The following WWOX variants were observed in gnomAD, a reference collection of about 807,000 sequenced individuals.
WWOX encodes WW domain-containing oxidoreductase.
Under a neutral mutation model 46.2 loss-of-function variants are expected in WWOX, and 69 were observed. That is an observed-to-expected ratio of 1.49 (90% CI 1.23 to 1.82). The LOEUF (loss-of-function observed/expected upper bound fraction) is 1.82, where lower values mean the gene tolerates loss of function less well. Among genes scored for constraint, WWOX ranks in the 40% most tolerant of loss-of-function variants. The probability of loss-of-function intolerance (pLI) is 0.00; values close to 1 mark genes in which losing one functional copy is unlikely to be tolerated. For synonymous variants in WWOX, 359 were observed against 202.6 expected (o/e 1.77, Z -6.56); for missense variants, 919 against 542.6 (o/e 1.69, Z -6.89).
intron 8 of WWOX, among the ~76,000 whole-genome samples, chr16:78,656,946 C>T (rs1232148508): frequency 6.6e-6 from 1 of 152,202 alleles, no homozygotes; most frequent in Non-Finnish European, 1.5e-5. Flanking sequence ...ATCATGGCGT[C>T]TGGTCCATGC....
intron 8 of WWOX, among the ~76,000 whole-genome samples, chr16:78,930,106 C>T (rs1416694757): frequency 6.6e-6 from 1 of 152,004 alleles, no homozygotes. Flanking sequence ...TCCCTTCCTG[C>T]CGTCTGGGAT....
At chr16:78,468,342 G>C (rs2084133373) in intron 8 of WWOX, among the ~76,000 whole-genome samples, 1 of 150,636 alleles carries the variant, frequency 6.6e-6, no homozygotes, top group Non-Finnish European at 1.5e-5. Context: ...TGTGCAGCCT[G>C]CTGGCTTCTC....
intron 8 of WWOX, among the ~76,000 whole-genome samples, chr16:78,752,548 G>C (rs899389937): frequency 1.4e-4 from 22 of 152,296 alleles, no homozygotes; most frequent in African/African-American, 5.3e-4. Flanking sequence ...TGAGATTACA[G>C]GTGTGAGCCA....
At chr16:78,468,372 C>T (rs561842422) in intron 8 of WWOX, among the ~76,000 whole-genome samples, 1 of 151,912 alleles carries the variant, frequency 6.6e-6, no homozygotes, top group South Asian at 2.1e-4. Context: ...TCCTTCTCAC[C>T]TTAACCCCAC....
chr16:78,938,712 G>C (rs984369587), intron 8 of WWOX, among the ~76,000 whole-genome samples: 3 of 152,156 alleles, frequency 2.0e-5, no homozygotes, highest in South Asian at 2.1e-4. Context: ...CTTTGTTCTA[G>C]TGCAGCCATA....
At chr16:78,231,085 T>A (rs1227121576) in intron 5 of WWOX, among the ~76,000 whole-genome samples, 1 of 152,244 alleles carries the variant, frequency 6.6e-6, no homozygotes, top group Non-Finnish European at 1.5e-5. Context: ...ACATTTATGA[T>A]TCTGGCAGCT....
chr16:78,386,998 T>C, intron 6 of WWOX, 50 bp downstream of exon 6: 1 of 1,553,984 alleles, frequency 6.4e-7, no homozygotes, highest in South Asian at 1.1e-5. Context: ...GCTATTGTAA[T>C]ATCTTTATCA....
intron 8 of WWOX, among the ~76,000 whole-genome samples, chr16:78,944,292 C>G (rs190405373): frequency 2.6e-5 from 4 of 152,282 alleles, no homozygotes; most frequent in African/African-American, 9.6e-5. Context: ...CATCTTTCAG[C>G]CTCTACCACA....
At chr16:78,314,107 C>T (rs181774284) in intron 5 of WWOX, among the ~76,000 whole-genome samples, 109 of 152,194 alleles carry the variant, frequency 7.2e-4, no homozygotes, top group African/African-American at 2.4e-3. Context: ...CAAAGCACTT[C>T]TAAGAAAGTA....
intron 8 of WWOX, among the ~76,000 whole-genome samples, chr16:78,554,118 C>G (rs2044234174): frequency 6.6e-6 from 1 of 152,164 alleles, no homozygotes. Context: ...CACCCCTTCC[C>G]TCTTATCAGC....
At chr16:78,634,377 A>G (rs1442426126) in intron 8 of WWOX, among the ~76,000 whole-genome samples, 1 of 152,158 alleles carries the variant, frequency 6.6e-6, no homozygotes, top group African/African-American at 2.4e-5. Context: ...GGCACCAAAA[A>G]TGCTGTTTGA....
chr16:79,094,916 T>C (rs2049038626), intron 8 of WWOX, among the ~76,000 whole-genome samples: 2 of 151,980 alleles, frequency 1.3e-5, no homozygotes, highest in African/African-American at 4.8e-5. Context: ...GTGGGCGATT[T>C]TTTTCACTTT....
intron 8 of WWOX, chr16:78,553,003 ATCC>A (rs1456883946): frequency 1.3e-5 from 2 of 152,292 alleles, no homozygotes; most frequent in African/African-American, 4.8e-5. Context: ...GGAAGCTATT[ATCC>A]TCAGCAAACT....
chr16:79,042,364 G>T (rs894423346), intron 8 of WWOX, among the ~76,000 whole-genome samples: 1 of 152,150 alleles, frequency 6.6e-6, no homozygotes, highest in Non-Finnish European at 1.5e-5. Context: ...GCCTAGCAGG[G>T]CCTGGAGCTG....
At chr16:79,024,673 G>A (rs975615375) in intron 8 of WWOX, among the ~76,000 whole-genome samples, 10 of 151,904 alleles carry the variant, frequency 6.6e-5, no homozygotes, top group African/African-American at 2.2e-4. Flanking sequence ...CTGACCTCGT[G>A]ATCTGCCCAC....
At chr16:78,443,939 G>A (rs914340694) in intron 8 of WWOX, among the ~76,000 whole-genome samples, 2 of 152,198 alleles carry the variant, frequency 1.3e-5, no homozygotes, top group East Asian at 3.9e-4. Flanking sequence ...GAGGCCAAGA[G>A]TTTGTATTGC....
intron 8 of WWOX, among the ~76,000 whole-genome samples, chr16:78,511,456 G>A (rs140877162): frequency 1.3e-5 from 2 of 152,340 alleles, no homozygotes; most frequent in African/African-American, 2.4e-5. Context: ...CAGGCACGTT[G>A]AATGTGAAGG....
intron 8 of WWOX, among the ~76,000 whole-genome samples, chr16:78,622,007 G>A (rs890883990): frequency 2.0e-4 from 30 of 152,138 alleles, no homozygotes; most frequent in African/African-American, 6.0e-4. Flanking sequence ...TGTCATTCTT[G>A]GGCTAGTTGA....
chr16:78,449,195 G>C (rs575733373), intron 8 of WWOX, among the ~76,000 whole-genome samples: 22 of 152,274 alleles, frequency 1.4e-4, no homozygotes, highest in African/African-American at 4.8e-4. Flanking sequence ...TCCTTGCCAC[G>C]TAGGGATCTC....
Sources: allele counts gnomAD v4.1 joint callset (sites outside exome capture counted in the v4.1 genomes callset), GRCh38; gene constraint gnomAD v4.1.1; transcripts MANE v1.5; gene names NCBI Gene and HGNC (gene_info 2026-07-23, HGNC 2026-07-21).